Variants in ANKRD30BL observed in about 807,000 individuals in gnomAD.
The protein encoded by ANKRD30BL is ankyrin repeat domain 30B like, also known as putative ankyrin repeat domain-containing protein 30B-like.
ANKRD30BL carries 20 observed loss-of-function variants against 18.4 expected under a neutral mutation model. The observed-to-expected ratio is 1.09, with a 90% CI of 0.77 to 1.58. ANKRD30BL has a LOEUF of 1.58. Ranked by LOEUF, ANKRD30BL falls within the 40% of genes most tolerant of loss-of-function variation. The probability of loss-of-function intolerance (pLI) is 0.00; values close to 1 mark genes in which losing one functional copy is unlikely to be tolerated. For missense variants in ANKRD30BL, 224 were observed against 268.6 expected (o/e 0.83, Z 1.16); for synonymous variants, 72 against 100.9 (o/e 0.71, Z 1.72).
intron 1 of ANKRD30BL, among the ~76,000 whole-genome samples, chr2:132,166,957 ATC>A (rs1203363671): frequency 6.6e-6 from 1 of 151,812 alleles, no homozygotes; most frequent in East Asian, 1.9e-4. Flanking sequence ...GTTCTACTGT[ATC>A]TCATATATTT....
rs199773813 is a variant in ANKRD30BL, at chr2:132,215,567, G to C, written n.441+41962C>G. Among the ~76,000 whole-genome samples, 5 of 152,264 alleles carry C rather than the reference G, an allele frequency of 3.3e-5. No individual in the cohort carries two copies. The East Asian group carries it at 9.6e-4, about 29-fold the overall frequency. On this transcript the variant is annotated intron_variant and non_coding_transcript_variant, in intron 1 of 4. Transcript: ENST00000470729. ...CAGAAGCATTCTGACAAATTACTTTGTGATGTATGCATTCATCTCACAGAG... is the reference window on the plus strand; with the variant it reads ...CAGAAGCATTCTGACAAATTACTTTCTGATGTATGCATTCATCTCACAGAG...
intron 1 of ANKRD30BL, among the ~76,000 whole-genome samples, chr2:132,256,591 G>T (rs1428429435): frequency 6.6e-6 from 1 of 152,204 alleles, no homozygotes; most frequent in Non-Finnish European, 1.5e-5. Context: ...CACCTGGAGC[G>T]GCCGACTGGC....
At chr2:132,164,317 C>A (rs1458529973), upstream of ANKRD30BL, among the ~76,000 whole-genome samples, 1 of 133,244 alleles carries the variant, frequency 7.5e-6, no homozygotes, top group East Asian at 2.6e-4. Flanking sequence ...GCTCTTCTTG[C>A]CTTCTTGCCC....
At chr2:132,181,735 GT>G (rs906922381) in intron 1 of ANKRD30BL, among the ~76,000 whole-genome samples, 3 of 152,170 alleles carry the variant, frequency 2.0e-5, no homozygotes, top group Non-Finnish European at 4.4e-5. Context: ...GTAAATAGTT[GT>G]TTCTATTAAA....
At chr2:132,196,458 A>G (rs1573831577) in intron 1 of ANKRD30BL, among the ~76,000 whole-genome samples, 1 of 152,048 alleles carries the variant, frequency 6.6e-6, no homozygotes, top group East Asian at 1.9e-4. Flanking sequence ...GGAAAAAAAA[A>G]GTAGGCAAAA....
Position 132,221,190 on chromosome 2 carries a change from T to TG in ANKRD30BL, n.441+36338dup, listed in dbSNP as rs1169580711. ...GCAGCCACCCCATCCGCGAGGGAGG[T>TG]GGGGGGGGGTCAGCCCCCCGCCCGG... On this transcript the variant is annotated intron_variant and non_coding_transcript_variant, in intron 1 of 4. Coordinates refer to the ANKRD30BL transcript ENST00000470729. Among the ~76,000 whole-genome samples, 207 of 123,584 alleles carry TG rather than the reference T, an allele frequency of 1.7e-3. 1 individual carries two copies. The highest frequency in any genetic ancestry group is 5.2e-3 in the South Asian group (21 of 4,024). 81.1% of individuals were successfully genotyped at this position (123,584 alleles called of 152,430 possible).
intron 1 of ANKRD30BL, among the ~76,000 whole-genome samples, chr2:132,256,556 G>C (rs80005192): frequency 1.3e-5 from 2 of 152,218 alleles, no homozygotes; most frequent in Admixed American, 6.5e-5. Flanking sequence ...CAGTGGCCTC[G>C]GGGCATGAAG....
intron 1 of ANKRD30BL, among the ~76,000 whole-genome samples, chr2:132,225,897 A>G (rs1171854859): frequency 6.6e-6 from 1 of 151,806 alleles, no homozygotes; most frequent in African/African-American, 2.4e-5. Flanking sequence ...TGTGCATTCA[A>G]CTCACAGAGT....
At chr2:132,209,686 T>C (rs1679292545) in intron 1 of ANKRD30BL, among the ~76,000 whole-genome samples, 1 of 152,024 alleles carries the variant, frequency 6.6e-6, no homozygotes, top group South Asian at 2.1e-4. Flanking sequence ...GGAAATATCT[T>C]CAAATAAAAA....
chr2:132,214,124 G>A (rs1573849602), intron 1 of ANKRD30BL, among the ~76,000 whole-genome samples: 3 of 151,942 alleles, frequency 2.0e-5, no homozygotes, highest in Admixed American at 6.6e-5. Flanking sequence ...GATATTTGGA[G>A]CACTTTGAGA....
At chr2:132,255,864 G>C (rs1056573894) in intron 1 of ANKRD30BL, among the ~76,000 whole-genome samples, 1 of 152,158 alleles carries the variant, frequency 6.6e-6, no homozygotes, top group African/African-American at 2.4e-5. Flanking sequence ...GGTCATCGCT[G>C]CCACGGGGGG....
At chr2:132,187,450 GACCACAGGCGCCCGCC>G (rs1399377363) in intron 1 of ANKRD30BL, among the ~76,000 whole-genome samples, 3 of 151,872 alleles carry the variant, frequency 2.0e-5, no homozygotes, top group Non-Finnish European at 2.9e-5. Flanking sequence ...AAGTAGCTGG[GACCACAGGCGCCCGCC>G]ACCACGCCCG....
intron 1 of ANKRD30BL, among the ~76,000 whole-genome samples, chr2:132,248,599 T>C (rs1680566613): frequency 6.6e-6 from 1 of 152,086 alleles, no homozygotes; most frequent in Admixed American, 6.6e-5. Flanking sequence ...TTCTGTCTAG[T>C]TTTTATGTGA....
At chr2:132,215,059 T>G (rs541471017) in intron 1 of ANKRD30BL, among the ~76,000 whole-genome samples, 94 of 152,226 alleles carry the variant, frequency 6.2e-4, no homozygotes, top group African/African-American at 2.1e-3. Flanking sequence ...CTTTGTGATG[T>G]ATGTATTCAT....
intron 1 of ANKRD30BL, among the ~76,000 whole-genome samples, chr2:132,231,428 C>A (rs942118203): frequency 2.0e-5 from 3 of 152,184 alleles, no homozygotes; most frequent in African/African-American, 7.2e-5. Context: ...TCTGAGGTGC[C>A]AGGTTCATCT....
chr2:132,255,577 G>A (rs1680808135), intron 1 of ANKRD30BL, among the ~76,000 whole-genome samples: 1 of 152,128 alleles, frequency 6.6e-6, no homozygotes, highest in African/African-American at 2.4e-5. Flanking sequence ...TACCACGGCT[G>A]CTGGCACCAG....
At chr2:132,165,199 T>A (rs1199134595), upstream of ANKRD30BL, among the ~76,000 whole-genome samples, 2 of 148,814 alleles carry the variant, frequency 1.3e-5, no homozygotes, top group African/African-American at 5.1e-5. Context: ...CCTCACTGAA[T>A]CTTTTGCCAA....
At chr2:132,215,838 T>C (rs1679483141) in intron 1 of ANKRD30BL, among the ~76,000 whole-genome samples, 1 of 152,288 alleles carries the variant, frequency 6.6e-6, no homozygotes, top group Non-Finnish European at 1.5e-5. Flanking sequence ...TGGAGTGATT[T>C]GAGGCCTAAG....
intron 1 of ANKRD30BL, among the ~76,000 whole-genome samples, chr2:132,251,243 G>A (rs1438396676): frequency 6.6e-6 from 1 of 152,146 alleles, no homozygotes. Context: ...TAGCCATAGA[G>A]CATTATCAAA....
Sources: allele counts gnomAD v4.1 joint callset (sites outside exome capture counted in the v4.1 genomes callset), GRCh38; gene constraint gnomAD v4.1.1; transcripts MANE v1.5; gene names NCBI Gene and HGNC (gene_info 2026-07-23, HGNC 2026-07-21).